The following MOGAT2 variants were observed in gnomAD, a reference collection of about 807,000 sequenced individuals.
MOGAT2 encodes the protein monoacylglycerol O-acyltransferase 2.
A neutral mutation model predicts 31.5 loss-of-function variants in MOGAT2; 27 were observed. The observed-to-expected ratio is 0.86, with a 90% CI of 0.63 to 1.18. MOGAT2 has a LOEUF of 1.18. Among genes scored for constraint, MOGAT2 ranks in the 50% most tolerant of loss-of-function variants. The pLI is 0.00. For missense variants in MOGAT2, 436 were observed against 433.2 expected, an observed-to-expected ratio of 1.01 and a Z score of -0.06; for synonymous variants, 163 against 170.0, an observed-to-expected ratio of 0.96 and a Z score of 0.32.
At chr11:75,727,253 T>C (rs1481986595) in intron 2 of MOGAT2, among the ~76,000 whole-genome samples, 182 bp from the exon 3 acceptor site, 4 of 152,136 alleles carry the variant, frequency 2.6e-5, no homozygotes, top group African/African-American at 9.7e-5. Context: ...GCCAGCACCA[T>C]AATATCTCCA....
intron 1 of MOGAT2, 89 bp downstream of exon 1, chr11:75,718,068 G>GCACACAGCACACA (rs1944345302): frequency 1.4e-5 from 18 of 1,277,370 alleles, no homozygotes; most frequent in Non-Finnish European, 1.9e-5. Context: ...CATTGATGGT[G>GCACACAGCACACA]GCAAGACATT....
Position 75,727,999 on chromosome 11 carries a change from G to T in MOGAT2, c.505G>T (p.Ala169Ser), listed in dbSNP as rs772863555. Residue 169 changes from alanine to serine, a missense_variant, in exon 4 of 6, where the codon GCT becomes TCT. Physicochemically the swap from Ala to Ser is moderately conservative, Grantham distance 99 (BLOSUM62 1). Coordinates refer to ENST00000198801, the MANE Select transcript of MOGAT2 (RefSeq NM_025098.4). ...GLVTSEKESA[A>S]HILNRKGGGN... ...GGTCACATCAGAAAAGGAGAGTGCTGCTCACATTCTGAACAGGAAGGGTGG... is the reference window on the plus strand; with the variant it reads ...GGTCACATCAGAAAAGGAGAGTGCTTCTCACATTCTGAACAGGAAGGGTGG... 54 of 1,613,424 alleles carry T rather than the reference G, an allele frequency of 3.3e-5. No individual in the cohort carries two copies. The highest frequency in any genetic ancestry group is 3.2e-4 in the South Asian group (29 of 91,028).
At chr11:75,720,268 G>A in intron 2 of MOGAT2, 98 bp downstream of exon 2, 1 of 1,348,312 alleles carries the variant, frequency 7.4e-7, no homozygotes, top group Non-Finnish European at 1.0e-6. Context: ...GGCCCTGCAT[G>A]CACTGAGGAG....
At chr11:75,729,631 G>T (rs1944456256) in intron 5 of MOGAT2, among the ~76,000 whole-genome samples, 1 of 151,898 alleles carries the variant, frequency 6.6e-6, no homozygotes, top group Non-Finnish European at 1.5e-5. Flanking sequence ...CTGGGGCTCA[G>T]AGAAGTTAAG....
intron 1 of MOGAT2, 172 bp from the exon 2 acceptor site, chr11:75,719,820 G>A: frequency 1.6e-6 from 1 of 636,504 alleles, no homozygotes; most frequent in South Asian, 2.1e-5. Context: ...TCCCTCTCAG[G>A]GACTTTGTCT....
At chr11:75,728,736 C>T in intron 4 of MOGAT2, 54 bp from the exon 5 acceptor site, 2 of 1,507,574 alleles carry the variant, frequency 1.3e-6, no homozygotes, top group Admixed American at 3.3e-5. Flanking sequence ...GGCCTTTCAG[C>T]TCGTGCCTTC....
chr11:75,727,427 C>G lies in MOGAT2; in HGVS notation c.271-8C>G, dbSNP rs746695369. On this transcript the variant is annotated splice_polypyrimidine_tract_variant and splice_region_variant and intron_variant, in intron 2 of 5. Transcript: ENST00000198801. ...CCGCCCTGGCTCAGCAGGTTGCCGT[C>G]CCTGCAGCTGGTCAAGACTGCTGAG... 10 of 1,610,976 alleles carry G rather than the reference C, an allele frequency of 6.2e-6. No homozygotes were observed. The highest frequency in any genetic ancestry group is 1.3e-5 in the African/African-American group (1 of 74,864).
chr11:75,719,702 A>T (rs1944359534), intron 1 of MOGAT2: 1 of 425,878 alleles, frequency 2.3e-6, no homozygotes, highest in East Asian at 3.7e-5. Context: ...GAGGACAGGC[A>T]GGGGATGGAG....
rs1287411665 is a variant in MOGAT2, at chr11:75,728,072, A to G, written c.578A>G (p.Asp193Gly). Reference sequence around the variant, plus strand: ...GTAGGGGGTGCCCAGGAGGCCCTGGATGCCAGGCCTGGATCCTTCACGCTG... The same window carrying G: ...GTAGGGGGTGCCCAGGAGGCCCTGGGTGCCAGGCCTGGATCCTTCACGCTG... ...IIVGGAQEAL[D>G]ARPGSFTLLL... The change falls in exon 4 of 6, where the codon GAT (aspartate) becomes GGT (glycine). Residue 193 changes from aspartate (D) to glycine (G), a missense_variant. Asp to Gly is a moderately conservative substitution (Grantham distance 94). Coordinates refer to ENST00000198801, the MANE Select transcript of MOGAT2 (RefSeq NM_025098.4). 1 of 1,614,128 alleles carries G rather than the reference A, an allele frequency of 6.2e-7. No homozygotes were observed. The highest frequency in any genetic ancestry group is 8.5e-7 in the Non-Finnish European group (1 of 1,180,018).
chr11:75,728,933 G>T lies in MOGAT2; in HGVS notation c.794G>T (p.Gly265Val). The T allele has an allele frequency of 6.2e-7, 1 of 1,614,158 alleles. No individual in the cohort carries two copies. Among genetic ancestry groups the T allele is most frequent in the African/African-American group, 1.3e-5 (1 of 75,036 alleles). The change falls in exon 5 of 6, where the codon GGT becomes GTT. Residue 265 changes from glycine to valine, a missense_variant. Gly to Val is a moderately radical substitution (Grantham distance 109). Coordinates refer to ENST00000198801, the MANE Select transcript of MOGAT2 (RefSeq NM_025098.4). ...GISLPLFHGR[G>V]VFQYSFGLIP... ...TCCCTCCCACTCTTTCATGGCCGTG[G>T]TGTCTTCCAGTACAGCTTTGGTTTA...
intron 5 of MOGAT2, 179 bp from the exon 6 acceptor site, chr11:75,730,953 G>T: frequency 2.4e-5 from 9 of 380,268 alleles, no homozygotes; most frequent in Non-Finnish European, 2.8e-5. Context: ...AAGGAAGAAA[G>T]AAATCCAGCC....
intron 2 of MOGAT2, among the ~76,000 whole-genome samples, chr11:75,723,212 A>G (rs1944392512): frequency 1.3e-5 from 2 of 151,960 alleles, no homozygotes; most frequent in Admixed American, 1.3e-4. Context: ...TAGCCTCCCA[A>G]AGTGCTGGGA....
intron 2 of MOGAT2, among the ~76,000 whole-genome samples, chr11:75,723,272 GT>G (rs59109266): frequency 0.67 from 101,019 of 151,254 alleles, 34,093 homozygotes; most frequent in African/African-American, 0.77. Context: ...TTTGTTTTTT[GT>G]TTTTTTTTCC....
chr11:75,721,659 C>G (rs934500076), intron 2 of MOGAT2, among the ~76,000 whole-genome samples: 1 of 152,190 alleles, frequency 6.6e-6, no homozygotes, highest in Admixed American at 6.5e-5. Context: ...GAAGTGTGGT[C>G]GTGACCTCGA....
chr11:75,722,959 G>GTTTTGT (rs1944388067), intron 2 of MOGAT2, among the ~76,000 whole-genome samples: 1 of 152,092 alleles, frequency 6.6e-6, no homozygotes, highest in African/African-American at 2.4e-5. Flanking sequence ...CTTTGTTTTG[G>GTTTTGT]TTTTGTTTTT....
chr11:75,719,779 C>T (rs569839982), intron 1 of MOGAT2: 43 of 556,258 alleles, frequency 7.7e-5, no homozygotes, highest in East Asian at 4.0e-4. Context: ...AGGCTCAACG[C>T]GTGCTCCCAG....
At chr11:75,723,343 T>C (rs1189140783) in intron 2 of MOGAT2, among the ~76,000 whole-genome samples, 1 of 152,144 alleles carries the variant, frequency 6.6e-6, no homozygotes, top group African/African-American at 2.4e-5. Context: ...ACAATGCCAC[T>C]GAGTGGCCAG....
At position 75,722,435 on chromosome 11, in the gene MOGAT2, A is replaced by T. The variant is rs553829065; in HGVS notation, c.270+2265A>T. Among the ~76,000 whole-genome samples, 3 of 152,244 alleles carry T rather than the reference A, an allele frequency of 2.0e-5. No homozygotes were observed. The South Asian group carries it at 6.2e-4, about 32-fold the overall frequency. ...GCTCTGGCCTCCGGGAGAGCTTCAG[A>T]GGTTCTGGCTCTGGTCTCACTTCCC... On this transcript the variant is annotated intron_variant, in intron 2 of 5. Coordinates refer to ENST00000198801, the MANE Select transcript of MOGAT2 (RefSeq NM_025098.4).
intron 2 of MOGAT2, among the ~76,000 whole-genome samples, chr11:75,726,585 A>G (rs575976): frequency 0.27 from 40,981 of 152,034 alleles, 6,565 homozygotes; most frequent in African/African-American, 0.45. Flanking sequence ...ATACTGATAA[A>G]GGAAAAAAGT....
Sources: allele counts gnomAD v4.1 joint callset (sites outside exome capture counted in the v4.1 genomes callset), GRCh38; gene constraint gnomAD v4.1.1; transcripts MANE v1.5; gene names NCBI Gene and HGNC (gene_info 2026-07-23, HGNC 2026-07-21).